Variants in DOCK3 observed in about 807,000 individuals in gnomAD.
DOCK3 encodes dedicator of cytokinesis protein 3.
DOCK3 carries 60 observed loss-of-function variants against 265.6 expected under a neutral mutation model. The observed-to-expected ratio is 0.23, with a 90% CI of 0.18 to 0.28. DOCK3 has a LOEUF of 0.28. Ranked by LOEUF, DOCK3 falls within the 10% of genes least tolerant of loss-of-function variation. DOCK3 has a pLI of 1.00. For missense variants in DOCK3, 1,981 were observed against 2,594.3 expected (o/e 0.76, Z 5.14); for synonymous variants, 881 against 938.0 (o/e 0.94, Z 1.11).
At chr3:51,253,016 T>A (rs1427260540) in intron 22 of DOCK3, among the ~76,000 whole-genome samples, 1 of 152,216 alleles carries the variant, frequency 6.6e-6, no homozygotes, top group African/African-American at 2.4e-5. Context: ...AAGTAGCTCG[T>A]ATTATTTTGA....
At chr3:50,801,520 G>T (rs2043065493) in intron 2 of DOCK3, among the ~76,000 whole-genome samples, 1 of 152,178 alleles carries the variant, frequency 6.6e-6, no homozygotes. Flanking sequence ...AGAAGGCAAA[G>T]AATTGAACAT....
chr3:50,933,163 A>T (rs527949217), intron 4 of DOCK3, among the ~76,000 whole-genome samples: 1 of 152,170 alleles, frequency 6.6e-6, no homozygotes, highest in Non-Finnish European at 1.5e-5. Context: ...GCCACAACAC[A>T]TGGGAATTAT....
chr3:50,794,125 A>G (rs1329661407), intron 2 of DOCK3, among the ~76,000 whole-genome samples: 3 of 152,024 alleles, frequency 2.0e-5, no homozygotes, highest in African/African-American at 7.2e-5. Flanking sequence ...CTTCTTTTGC[A>G]TTTGCTGAGG....
Position 51,381,190 on chromosome 3 carries a change from A to C in DOCK3, c.5724A>C (p.Pro1908=). 6.2e-7 allele frequency: 1 copy of C among 1,613,724 alleles called. No individual in the cohort carries two copies. Among genetic ancestry groups the C allele is most frequent in the Non-Finnish European group, 8.5e-7 (1 of 1,179,830 alleles). ...ESNFGHSSEA[P]PRTDTMDSMP... is the part of the protein sequence containing the mutation. Reference sequence around the variant, plus strand: ...ACTTTGGGCACTCCTCGGAGGCCCCACCTCGCACTGACACCATGGACTCCA... The same window carrying C: ...ACTTTGGGCACTCCTCGGAGGCCCCCCCTCGCACTGACACCATGGACTCCA... The change falls in exon 53 of 53, where the codon CCA becomes CCC. Residue 1908 remains proline (P), a synonymous_variant. Transcript: ENST00000266037. The surrounding 1 kb of genome is among the most constrained non-coding windows in gnomAD (Gnocchi z 5.6).
At chr3:50,771,194 C>T (rs541125540) in intron 1 of DOCK3, among the ~76,000 whole-genome samples, 13 of 152,220 alleles carry the variant, frequency 8.5e-5, no homozygotes, top group Admixed American at 2.6e-4. Flanking sequence ...TTGCAAACTA[C>T]GCATCTGAGA....
chr3:50,858,810 T>C (rs2046756962), intron 3 of DOCK3, among the ~76,000 whole-genome samples: 1 of 152,192 alleles, frequency 6.6e-6, no homozygotes, highest in South Asian at 2.1e-4. Context: ...TTTGGCCTCT[T>C]TTTTACATAA....
chr3:51,029,349 C>T (rs928534572), intron 5 of DOCK3, among the ~76,000 whole-genome samples: 6 of 152,144 alleles, frequency 3.9e-5, no homozygotes, highest in South Asian at 2.1e-4. Flanking sequence ...TCACCCTCTG[C>T]GGGGCTGGAG....
At chr3:50,909,332 G>T (rs1397094678) in intron 4 of DOCK3, among the ~76,000 whole-genome samples, 1 of 151,984 alleles carries the variant, frequency 6.6e-6, no homozygotes, top group Non-Finnish European at 1.5e-5. Flanking sequence ...GTACTTCAGT[G>T]CGTTTTTGTA....
chr3:50,919,984 CT>C (rs1208317559), intron 4 of DOCK3, among the ~76,000 whole-genome samples: 1 of 152,104 alleles, frequency 6.6e-6, no homozygotes, highest in Non-Finnish European at 1.5e-5. Flanking sequence ...TGTCAAAGGC[CT>C]TTTCTGCATC....
In DOCK3 at chr3:51,360,553, A is replaced by G; in HGVS notation, c.4927A>G (p.Thr1643Ala). 6.2e-7 allele frequency: 1 copy of G among 1,613,212 alleles called. No individual in the cohort carries two copies. The highest frequency in any genetic ancestry group is 1.1e-5 in the South Asian group (1 of 90,824). ...TAAGCTAAGTCCTGCATGTTCAGGC[A>G]CCAGCACCCCACGGGGAAATGTTCT... ...LDKLSPACSG[T>A]STPRGNVLAS... The change falls in exon 47 of 53, where the codon ACC becomes GCC. Residue 1643 changes from threonine to alanine, a missense_variant. Around this residue, in one of 4 missense-constraint regions of DOCK3, gnomAD observed 1,357 missense variants for 1,866.8 expected, o/e 0.73. Coordinates refer to ENST00000266037, the MANE Select transcript of DOCK3 (RefSeq NM_004947.5).
intron 21 of DOCK3, among the ~76,000 whole-genome samples, chr3:51,244,650 T>A (rs2078745980): frequency 6.6e-6 from 1 of 152,226 alleles, no homozygotes; most frequent in South Asian, 2.1e-4. Flanking sequence ...TTCTTCCTTT[T>A]CAATTTGAAT....
At chr3:50,815,856 A>T (rs1053121557) in intron 2 of DOCK3, among the ~76,000 whole-genome samples, 16 of 152,324 alleles carry the variant, frequency 1.1e-4, no homozygotes, top group African/African-American at 3.9e-4. Context: ...TGAGAGCTCC[A>T]ACTAGGCAGT....
chr3:50,876,970 A>G (rs1287267664), intron 3 of DOCK3: 5 of 154,032 alleles, frequency 3.2e-5, no homozygotes, highest in Admixed American at 2.6e-4. Context: ...TAAAAAGCCC[A>G]TCAGCTCTCG....
chr3:51,021,949 C>T (rs2079613919), intron 5 of DOCK3, among the ~76,000 whole-genome samples: 2 of 152,236 alleles, frequency 1.3e-5, no homozygotes, highest in South Asian at 4.1e-4. Context: ...GTGTGAGCCA[C>T]CACACCTGGC....
At chr3:51,379,699 C>T in intron 51 of DOCK3, 3 of 905,814 alleles carry the variant, frequency 3.3e-6, no homozygotes, top group Non-Finnish European at 4.0e-6. Flanking sequence ...AGCCAAAACA[C>T]CCCCACCACA....
At position 51,356,990 on chromosome 3, in the gene DOCK3, T is replaced by A; in HGVS notation, c.4532T>A (p.Ile1511Asn). 6.2e-7 allele frequency: 1 copy of A among 1,613,400 alleles called. No individual in the cohort carries two copies. Among genetic ancestry groups the A allele is most frequent in the Non-Finnish European group, 8.5e-7 (1 of 1,179,816 alleles). The change falls in exon 44 of 53, where the codon ATC becomes AAC. Residue 1511 changes from isoleucine (I) to asparagine (N), a missense_variant. This residue lies in a region of DOCK3 where 1,357 missense variants were observed against 1,866.8 expected (regional missense o/e 0.73). Transcript: ENST00000266037. Reference protein sequence around the residue: ...LVEVSPLENAIQVVENKNQEL... With the variant: ...LVEVSPLENANQVVENKNQEL... ...GAGGTGAGCCCTCTGGAGAATGCCA[T>A]CCAAGTGGTTGAGAATAAGAACCAG...
At chr3:51,321,886 C>A (rs549936070) in intron 32 of DOCK3, among the ~76,000 whole-genome samples, 30 of 152,276 alleles carry the variant, frequency 2.0e-4, no homozygotes, top group African/African-American at 7.2e-4. Context: ...GAGAATGGAA[C>A]CAAGTTGGAA....
At chr3:51,244,478 A>G (rs1468693597) in intron 21 of DOCK3, among the ~76,000 whole-genome samples, 1 of 152,132 alleles carries the variant, frequency 6.6e-6, no homozygotes, top group Non-Finnish European at 1.5e-5. Context: ...TTTCATTTTC[A>G]GAATGTTCAT....
At chr3:51,301,976 A>T (rs1052498592) in intron 27 of DOCK3, among the ~76,000 whole-genome samples, 4 of 152,094 alleles carry the variant, frequency 2.6e-5, no homozygotes, top group African/African-American at 4.8e-5. Context: ...AAATCCTGTG[A>T]ATATCCTTAT....
Sources: allele counts gnomAD v4.1 joint callset (sites outside exome capture counted in the v4.1 genomes callset), GRCh38; gene constraint gnomAD v4.1.1; regional missense constraint gnomAD v4.1.1; non-coding constraint Gnocchi (gnomAD v3.1); transcripts MANE v1.5; gene names NCBI Gene and HGNC (gene_info 2026-07-23, HGNC 2026-07-21).